Variants in FTCDNL1 observed in about 807,000 individuals in gnomAD.
FTCDNL1 encodes formiminotransferase N-terminal subdomain-containing protein.
In FTCDNL1, 11 loss-of-function variants were observed where a neutral mutation model predicts 5.9. The ratio of observed to expected loss-of-function variants is 1.87; its 90% CI spans 1.18 to 3.10. The LOEUF (loss-of-function observed/expected upper bound fraction) is 3.10, where lower values mean the gene tolerates loss of function less well. FTCDNL1 is among the 30% of genes most tolerant of loss of function. The probability of loss-of-function intolerance (pLI) is 0.00; values close to 1 mark genes in which losing one functional copy is unlikely to be tolerated. For missense variants in FTCDNL1, 115 were observed against 65.5 expected, an observed-to-expected ratio of 1.76 and a Z score of -2.61; for synonymous variants, 58 against 24.8, an observed-to-expected ratio of 2.34 and a Z score of -3.99.
chr2:199,811,610 C>G lies in FTCDNL1; in HGVS notation c.*1095G>C, dbSNP rs541126275. ...CATGCAATTCATCAGCCTGAGGGAG[C>G]AAGTCACTTTCAAAGGAAGTTCCTG... On this transcript the variant is annotated 3_prime_UTR_variant, in exon 5 of 5. Coordinates refer to ENST00000420128, the MANE Select transcript of FTCDNL1 (RefSeq NM_001363886.2). 8.5e-5 allele frequency among the ~76,000 whole-genome samples: 13 copies of G among 152,344 alleles called. No individual in the cohort carries two copies. In the East Asian group the frequency reaches 2.5e-3, roughly 29 times the overall value.
chr2:199,784,240 A>C (rs939709515), intron 3 of FTCDNL1, among the ~76,000 whole-genome samples: 10 of 152,186 alleles, frequency 6.6e-5, no homozygotes, highest in African/African-American at 2.4e-4. Flanking sequence ...CAGCAACAGC[A>C]ATCTGATTCC....
chr2:199,708,066 G>T, the FTCDNL1 span, among the ~76,000 whole-genome samples: 1 of 151,738 alleles, frequency 6.6e-6, no homozygotes, highest in African/African-American at 2.4e-5. Flanking sequence ...ATTTATGTTA[G>T]ATTGTTTAAT....
At chr2:199,776,117 T>C (rs1699055852) in intron 3 of FTCDNL1, among the ~76,000 whole-genome samples, 1 of 152,136 alleles carries the variant, frequency 6.6e-6, no homozygotes, top group African/African-American at 2.4e-5. Context: ...TTTCACCTTG[T>C]TAGCCAGGAT....
At chr2:199,727,059 T>C in the FTCDNL1 span, among the ~76,000 whole-genome samples, 83 of 152,318 alleles carry the variant, frequency 5.4e-4, no homozygotes, top group African/African-American at 1.9e-3. Context: ...CCACAGGGGC[T>C]CTGTCCAAGG....
chr2:199,679,038 G>A, the FTCDNL1 span, among the ~76,000 whole-genome samples: 2 of 152,162 alleles, frequency 1.3e-5, no homozygotes, highest in African/African-American at 2.4e-5. Context: ...TCACACTGCC[G>A]CTAGCACTTG....
chr2:199,820,988 A>G (rs1467570571), intron 3 of FTCDNL1, among the ~76,000 whole-genome samples: 1 of 152,202 alleles, frequency 6.6e-6, no homozygotes, highest in African/African-American at 2.4e-5. Context: ...CACAATAAGC[A>G]TAGGAGACCT....
chr2:199,836,149 G>A (rs1343935304), intron 3 of FTCDNL1, among the ~76,000 whole-genome samples: 3 of 152,028 alleles, frequency 2.0e-5, no homozygotes, highest in Non-Finnish European at 4.4e-5. Flanking sequence ...TATTCTTGTT[G>A]ATATTTCTTT....
the FTCDNL1 span, among the ~76,000 whole-genome samples, chr2:199,673,727 C>T: frequency 5.3e-5 from 8 of 152,254 alleles, no homozygotes; most frequent in South Asian, 6.2e-4. Flanking sequence ...AAAATCATAT[C>T]ATAGAGTGTC....
At chr2:199,781,975 G>C (rs1416602997) in intron 3 of FTCDNL1, among the ~76,000 whole-genome samples, 1 of 152,090 alleles carries the variant, frequency 6.6e-6, no homozygotes, top group Non-Finnish European at 1.5e-5. Context: ...AGTAGAGACA[G>C]GGTTCCACCA....
At chr2:199,708,041 T>C in the FTCDNL1 span, among the ~76,000 whole-genome samples, 6 of 152,232 alleles carry the variant, frequency 3.9e-5, no homozygotes, top group Middle Eastern at 3.4e-3. Context: ...CCTTTTCCTC[T>C]TAGATTCCAA....
chr2:199,686,812 T>G, the FTCDNL1 span, among the ~76,000 whole-genome samples: 1 of 152,304 alleles, frequency 6.6e-6, no homozygotes, highest in Admixed American at 6.5e-5. Context: ...ATGCAAGTGC[T>G]CCTATCCTAT....
the FTCDNL1 span, among the ~76,000 whole-genome samples, chr2:199,709,352 C>G: frequency 6.6e-6 from 1 of 152,062 alleles, no homozygotes; most frequent in East Asian, 1.9e-4. Flanking sequence ...TCCTTTTAAC[C>G]CAGGGCAGCC....
intron 3 of FTCDNL1, among the ~76,000 whole-genome samples, chr2:199,767,512 C>T (rs936500919): frequency 2.6e-5 from 4 of 152,158 alleles, no homozygotes; most frequent in Non-Finnish European, 4.4e-5. Flanking sequence ...TGCGTCCCCT[C>T]CAAGGTTCAT....
chr2:199,684,359 C>T, the FTCDNL1 span, among the ~76,000 whole-genome samples: 10 of 152,136 alleles, frequency 6.6e-5, no homozygotes, highest in Non-Finnish European at 7.3e-5. Flanking sequence ...AGACAGATGG[C>T]GCTATAAATA....
the FTCDNL1 span, among the ~76,000 whole-genome samples, chr2:199,680,841 C>T: frequency 1.3e-5 from 2 of 152,186 alleles, no homozygotes; most frequent in African/African-American, 4.8e-5. Flanking sequence ...CTTCTCCTTG[C>T]TACACAATGT....
the FTCDNL1 span, among the ~76,000 whole-genome samples, chr2:199,730,410 C>A: frequency 6.6e-6 from 1 of 152,230 alleles, no homozygotes; most frequent in South Asian, 2.1e-4. Context: ...AGGCAATCTA[C>A]AGAATAGGAG....
the FTCDNL1 span, among the ~76,000 whole-genome samples, chr2:199,670,746 G>A: frequency 6.6e-6 from 1 of 152,068 alleles, no homozygotes; most frequent in African/African-American, 2.4e-5. Flanking sequence ...GGGCACAGTT[G>A]AACATGGCAC....
chr2:199,736,838 A>G, the FTCDNL1 span, among the ~76,000 whole-genome samples: 1 of 152,216 alleles, frequency 6.6e-6, no homozygotes, highest in Admixed American at 6.5e-5. Flanking sequence ...AGCAATAGTC[A>G]ATTGAACTGG....
chr2:199,767,063 A>G, intron 3 of FTCDNL1, among the ~76,000 whole-genome samples: 1 of 152,236 alleles, frequency 6.6e-6, no homozygotes, highest in East Asian at 1.9e-4. Context: ...CAATATAAAA[A>G]AGTTATATTT....
Sources: allele counts gnomAD v4.1 joint callset (sites outside exome capture counted in the v4.1 genomes callset), GRCh38; gene constraint gnomAD v4.1.1; transcripts MANE v1.5; gene names NCBI Gene and HGNC (gene_info 2026-07-23, HGNC 2026-07-21).